KCNS1: variants seen among roughly 807,000 people sequenced by gnomAD.
KCNS1 encodes delayed-rectifier potassium channel regulatory subunit KCNS1.
A neutral mutation model predicts 33.1 loss-of-function variants in KCNS1; 26 were observed. The observed-to-expected ratio is 0.79, with a 90% CI of 0.58 to 1.09. KCNS1 has a LOEUF of 1.09. Among genes scored for constraint, KCNS1 ranks in the 50% least tolerant of loss-of-function variants. KCNS1 has a pLI of 0.00. For missense variants in KCNS1, 702 were observed against 752.4 expected (o/e 0.93, Z 0.78); for synonymous variants, 299 against 338.8 (o/e 0.88, Z 1.29).
chr20:45,096,750 T>C (rs1237328888), intron 3 of KCNS1, among the ~76,000 whole-genome samples: 12 of 152,184 alleles, frequency 7.9e-5, no homozygotes. Flanking sequence ...CAATAACCCT[T>C]ACCTCTGTTT....
chr20:45,097,902 G>A lies in KCNS1; in HGVS notation c.870C>T (p.Arg290=). 1 of 1,607,378 alleles carries A rather than the reference G, an allele frequency of 6.2e-7. No homozygotes were observed. The part of the protein sequence containing the change: ...IAWFSFEVSS[R]LLLAPSTRNF... Reference sequence around the variant, plus strand: ...TGCGCGTACTGGGCGCCAGCAGGAGGCGCGACGACACCTCGAAGCTGAACC... The same window carrying A: ...TGCGCGTACTGGGCGCCAGCAGGAGACGCGACGACACCTCGAAGCTGAACC... Residue 290 remains arginine (R), a synonymous_variant, in exon 3 of 4, where the codon CGC becomes CGT. Coordinates refer to ENST00000537075, the MANE Select transcript of KCNS1 (RefSeq NM_001322799.2).
In KCNS1 at chr20:45,093,714, AG is replaced by A. The variant is rs1298007718; in HGVS notation, c.*1155del. 2 of 152,482 alleles carry A rather than the reference AG, an allele frequency of 1.3e-5. No individual in the cohort carries two copies. The highest frequency in any genetic ancestry group is 2.9e-5 in the Non-Finnish European group (2 of 68,256). The allele number at this position is 152,482 out of a possible 1,614,324, so 9.4% of individuals were successfully genotyped here. ...GGTGAGGGGGCTGGAGCTGGCCAGA[AG>A]GGAGAGGACTCTCACACATGGGCCT... is the stretch of plus-strand genomic sequence containing the variant. On this transcript the variant is annotated 3_prime_UTR_variant, in exon 4 of 4. Transcript: ENST00000537075.
At chr20:45,100,611 C>A (rs1447975245) in intron 1 of KCNS1, among the ~76,000 whole-genome samples, 1 of 152,218 alleles carries the variant, frequency 6.6e-6, no homozygotes, top group African/African-American at 2.4e-5. Context: ...ATTTCATTCT[C>A]TCTCCACACA....
chr20:45,100,401 C>T (rs1981353928), intron 1 of KCNS1: 1 of 152,262 alleles, frequency 6.6e-6, no homozygotes, highest in South Asian at 2.1e-4. Flanking sequence ...TAATCCAGTT[C>T]CATCACCCAT....
chr20:45,094,919 T>A lies in KCNS1; in HGVS notation c.1532A>T (p.Asp511Val), dbSNP rs1202432665. ...RETSQEGQSA[D>V]LESQAPSEPP... ...CTCACTGGGGGCCTGGCTCTCTAGA[T>A]CTGCAGACTGTCCCTCCTGAGAGGT... Residue 511 changes from aspartate to valine, a missense_variant, in exon 4 of 4, where the codon GAT becomes GTT. This residue lies in a region of KCNS1 where 75 missense variants were observed against 72.7 expected (regional missense o/e 1.03). Transcript: ENST00000537075. The A allele has an allele frequency of 9.9e-6, 16 of 1,613,728 alleles. No individual in the cohort carries two copies. Among genetic ancestry groups the A allele is most frequent in the Non-Finnish European group, 1.2e-5 (14 of 1,179,966 alleles).
Position 45,098,492 on chromosome 20 carries a change from C to A in KCNS1, c.280G>T (p.Asp94Tyr), listed in dbSNP as rs1325621397. ...SEEQARRLCD[D>Y]YDEAAREFYF... Reference sequence around the variant, plus strand: ...AATTCGCGCGCCGCCTCGTCGTAGTCGTCGCACAGGCGCCGCGCCTGCTCC... The same window carrying A: ...AATTCGCGCGCCGCCTCGTCGTAGTAGTCGCACAGGCGCCGCGCCTGCTCC... The change falls in exon 3 of 4, where the codon GAC becomes TAC. Residue 94 changes from aspartate to tyrosine, a missense_variant. Physicochemically the swap from Asp to Tyr is radical, Grantham distance 160. Around this residue, in one of 3 missense-constraint regions of KCNS1, gnomAD observed 374 missense variants for 352.3 expected, o/e 1.06. Coordinates refer to ENST00000537075, the MANE Select transcript of KCNS1 (RefSeq NM_001322799.2). This position sits in a 1 kb window ranked among gnomAD's most constrained non-coding sequence, Gnocchi z 5.2. 4 of 1,552,450 alleles carry A rather than the reference C, an allele frequency of 2.6e-6. No individual in the cohort carries two copies. Among genetic ancestry groups the A allele is most frequent in the Non-Finnish European group, 3.5e-6 (4 of 1,149,608 alleles).
chr20:45,097,425 GC>G (rs1281009972), intron 3 of KCNS1, among the ~76,000 whole-genome samples: 4 of 152,216 alleles, frequency 2.6e-5, no homozygotes, highest in African/African-American at 9.6e-5. Flanking sequence ...GCAAAGCTAT[GC>G]CCCAGTTTTC....
rs1981006172 is a variant in KCNS1, at chr20:45,091,757, T to C, written c.*3113A>G. Among the ~76,000 whole-genome samples the C allele has an allele frequency of 6.6e-6, 1 of 152,166 alleles. No individual in the cohort carries two copies. On this transcript the variant is annotated 3_prime_UTR_variant, in exon 4 of 4. Transcript: ENST00000537075. ...TGGAAGACTTGACATACACAGACAC[T>C]GAAGTGAGATCAGAGGCAGAGACTT...
intron 1 of KCNS1, 119 bp from the exon 2 acceptor site, chr20:45,099,358 T>G (rs1359070816): frequency 1.5e-6 from 1 of 664,260 alleles, no homozygotes; most frequent in African/African-American, 1.8e-5. Context: ...TTCGGCTACA[T>G]AGTCAAGTTT....
At position 45,098,287 on chromosome 20, in the gene KCNS1, G is replaced by T; in HGVS notation, c.485C>A (p.Thr162Asn). 6.3e-7 allele frequency: 1 copy of T among 1,582,040 alleles called. No homozygotes were observed. Among genetic ancestry groups the T allele is most frequent in the Non-Finnish European group, 8.6e-7 (1 of 1,166,762 alleles). Residue 162 changes from threonine to asparagine, a missense_variant, in exon 3 of 4, where the codon ACC (threonine) becomes AAC (asparagine). Transcript: ENST00000537075. The surrounding 1 kb of genome is among the most constrained non-coding windows in gnomAD (Gnocchi z 5.2). ...GTCCTCGTCCCAGGCGTGCGGCTGG[G>T]TCAGCCGCCTCTCCAGGTAGCGCGC... ...CRARYLERRL[T>N]QPHAWDEDSD...
rs776312206 is a variant in KCNS1 at position 45,095,276 on chromosome 20, C to T, written c.1175G>A (p.Gly392Asp). 41 of 1,614,052 alleles carry T rather than the reference C, an allele frequency of 2.5e-5. No homozygotes were observed. Among genetic ancestry groups the T allele is most frequent in the Non-Finnish European group, 3.2e-5 (38 of 1,180,028 alleles). ...CTCCTTTTCAGCTGTGTAGGCCACA[C>T]CAGAGAACACTGACACACCCACAGC... ...YLAVGVSVFS[G>D]VAYTAEKEED... Residue 392 changes from glycine to aspartate, a missense_variant, in exon 4 of 4, where the codon GGT (glycine) becomes GAT (aspartate). Gly to Asp is a moderately conservative substitution (Grantham distance 94). Around this residue, in one of 3 missense-constraint regions of KCNS1, gnomAD observed 253 missense variants for 327.4 expected, o/e 0.77. Transcript: ENST00000537075.
chr20:45,099,049 C>G, intron 2 of KCNS1, 112 bp downstream of exon 2: 4 of 1,249,370 alleles, frequency 3.2e-6, no homozygotes, highest in Non-Finnish European at 4.5e-6. Flanking sequence ...TAGGATGTCT[C>G]CTTTTCCAGG....
intron 3 of KCNS1, among the ~76,000 whole-genome samples, 199 bp from the exon 4 acceptor site, chr20:45,095,539 C>T (rs1011885926): frequency 5.3e-5 from 8 of 152,162 alleles, no homozygotes; most frequent in Admixed American, 3.3e-4. Context: ...CCTGGTATTG[C>T]GCACAGGCCT....
intron 3 of KCNS1, 128 bp downstream of exon 3, chr20:45,097,534 C>G (rs905894709): frequency 2.1e-6 from 2 of 936,864 alleles, no homozygotes; most frequent in Non-Finnish European, 3.2e-6. Flanking sequence ...AGCCCTGTGC[C>G]TGGCACAAAG....
chr20:45,096,131 A>C (rs898198238), intron 3 of KCNS1, among the ~76,000 whole-genome samples: 2 of 152,206 alleles, frequency 1.3e-5, no homozygotes, highest in Non-Finnish European at 1.5e-5. Context: ...GCGTGCAGGA[A>C]TCATGCAGGG....
In KCNS1 at chr20:45,098,108, A is replaced by G. The variant is rs1981257898; in HGVS notation, c.664T>C (p.Phe222Leu). The G allele has an allele frequency of 6.3e-7, 1 of 1,590,998 alleles. No homozygotes were observed. Residue 222 changes from phenylalanine (F) to leucine (L), a missense_variant, in exon 3 of 4, where the codon TTC (phenylalanine) becomes CTC (leucine). This residue lies in a region of KCNS1 where 374 missense variants were observed against 352.3 expected (regional missense o/e 1.06). Transcript: ENST00000537075. This position sits in a 1 kb window ranked among gnomAD's most constrained non-coding sequence, Gnocchi z 5.2. ...ACCACGCTGATGGAGACGCAGCTGA[A>G]GAGCTTGCTCGGCAGCGAGTAGCCC... ...NPGYSLPSKL[F>L]SCVSISVVLA...
At chr20:45,096,850 G>A (rs1457142575) in intron 3 of KCNS1, among the ~76,000 whole-genome samples, 1 of 152,290 alleles carries the variant, frequency 6.6e-6, no homozygotes, top group East Asian at 1.9e-4. Flanking sequence ...TGCCCCGCTC[G>A]ACTCTTCAAT....
chr20:45,100,615 C>A (rs1353516860), intron 1 of KCNS1, among the ~76,000 whole-genome samples: 5 of 152,218 alleles, frequency 3.3e-5, no homozygotes, highest in Non-Finnish European at 7.3e-5. Context: ...CATTCTCTCT[C>A]CACACACTTA....
At position 45,091,642 on chromosome 20, in the gene KCNS1, GGTTAA is replaced by G. The variant is rs781563960; in HGVS notation, c.*3223_*3227del. 6.6e-5 allele frequency among the ~76,000 whole-genome samples: 10 copies of G among 152,314 alleles called. No individual in the cohort carries two copies. The East Asian group carries it at 7.7e-4, about 12-fold the overall frequency. The stretch of plus-strand genomic sequence containing the variant: ...TGGGAAAGGGTCTTTTTGCAAATGT[GGTTAA>G]GTTAAGGATCCTGAGATGAGGTCAT... On this transcript the variant is annotated 3_prime_UTR_variant, in exon 4 of 4. Transcript: ENST00000537075.
Sources: gnomAD v4.1 joint callset for allele counts (sites outside exome capture counted in the v4.1 genomes callset) on GRCh38, gnomAD v4.1.1 for gene constraint, gnomAD v4.1.1 regional missense constraint, Gnocchi (gnomAD v3.1) non-coding constraint, MANE v1.5 for transcripts, NCBI Gene and HGNC (gene_info 2026-07-23, HGNC 2026-07-21) for gene names.